Variants in PARD6G observed in about 807,000 individuals in gnomAD.
The protein encoded by PARD6G is par-6 family cell polarity regulator gamma, also known as partitioning defective 6 homolog gamma.
In PARD6G, 7 loss-of-function variants were observed where a neutral mutation model predicts 10.7. That is an observed-to-expected ratio of 0.66 (90% CI 0.37 to 1.23). PARD6G has a LOEUF of 1.23. PARD6G is among the 50% of genes most tolerant of loss of function. The probability of loss-of-function intolerance (pLI) is 0.02; values close to 1 mark genes in which losing one functional copy is unlikely to be tolerated. For synonymous variants in PARD6G, 287 were observed against 269.4 expected (o/e 1.07, Z -0.64); for missense variants, 548 against 571.8 (o/e 0.96, Z 0.42).
At chr18:80,207,174 A>G (rs916966562) in intron 1 of PARD6G, among the ~76,000 whole-genome samples, 2 of 105,190 alleles carry the variant, frequency 1.9e-5, no homozygotes, top group Admixed American at 1.0e-4. Flanking sequence ...TCCGATGTTT[A>G]CTTGGATGGC....
chr18:80,199,897 G>A (rs1433323091), intron 2 of PARD6G, among the ~76,000 whole-genome samples: 2 of 152,084 alleles, frequency 1.3e-5, no homozygotes, highest in African/African-American at 2.4e-5. Flanking sequence ...CACCCGCCTC[G>A]GCCTCCCAAA....
At chr18:80,226,884 C>T (rs1967298568) in intron 1 of PARD6G, among the ~76,000 whole-genome samples, 2 of 152,176 alleles carry the variant, frequency 1.3e-5, no homozygotes, top group South Asian at 2.1e-4. Flanking sequence ...GAAACTGCTG[C>T]GGCTTACCAC....
Position 80,182,995 on chromosome 18 carries a change from C to G in PARD6G, c.295+19715G>C. On this transcript the variant is annotated intron_variant, in intron 2 of 2. Coordinates refer to ENST00000353265, the MANE Select transcript of PARD6G (RefSeq NM_032510.4). The surrounding 1 kb of genome is among the most constrained non-coding windows in gnomAD (Gnocchi z 4.5). ...TCCTCCTTCGTCCTGACGTGGCTCC[C>G]AGTGGAATGAGATGGCTGGGGTCTC... is the stretch of plus-strand genomic sequence containing the variant. 1.5e-6 allele frequency: 1 copy of G among 667,046 alleles called. No homozygotes were observed. The highest frequency in any genetic ancestry group is 1.6e-5 in the South Asian group (1 of 62,196). 41.3% of individuals were successfully genotyped at this position (667,046 alleles called of 1,614,324 possible).
chr18:80,217,515 T>A (rs1967182162), intron 1 of PARD6G, among the ~76,000 whole-genome samples: 1 of 152,146 alleles, frequency 6.6e-6, no homozygotes, highest in South Asian at 2.1e-4. Context: ...TAATAAGTAA[T>A]GTTGATAGCA....
rs1054635222 is a variant in PARD6G, at chr18:80,231,614, C to A, written c.72+15663G>T. On this transcript the variant is annotated intron_variant, in intron 1 of 2. Coordinates refer to ENST00000353265, the MANE Select transcript of PARD6G (RefSeq NM_032510.4). The surrounding 1 kb of genome is among the most constrained non-coding windows in gnomAD (Gnocchi z 4.2). The stretch of plus-strand genomic sequence containing the variant: ...TTTATTCAACTTCTCTGATCCTGTT[C>A]CTCCTTCATAAAATAGATAAAAACA... Among the ~76,000 whole-genome samples, 34 of 152,226 alleles carry A rather than the reference C, an allele frequency of 2.2e-4. No homozygotes were observed. The highest frequency in any genetic ancestry group is 8.2e-4 in the African/African-American group (34 of 41,530).
chr18:80,201,777 C>T lies in PARD6G; in HGVS notation c.295+933G>A, dbSNP rs1241642953. Among the ~76,000 whole-genome samples, 1 of 152,248 alleles carries T rather than the reference C, an allele frequency of 6.6e-6. No individual in the cohort carries two copies. The highest frequency in any genetic ancestry group is 1.5e-5 in the Non-Finnish European group (1 of 68,046). On this transcript the variant is annotated intron_variant, in intron 2 of 2. Coordinates refer to ENST00000353265, the MANE Select transcript of PARD6G (RefSeq NM_032510.4). The surrounding 1 kb of genome is among the most constrained non-coding windows in gnomAD (Gnocchi z 5.9). The stretch of plus-strand genomic sequence containing the variant: ...CTATGAGGACCCTCGTTTTGCAAAG[C>T]AGGACGCTGGGGTGAAGGAGGCGGA...
At chr18:80,220,452 T>TA (rs1433339470) in intron 1 of PARD6G, among the ~76,000 whole-genome samples, 1 of 152,140 alleles carries the variant, frequency 6.6e-6, no homozygotes, top group Non-Finnish European at 1.5e-5. Context: ...GGACATTAGG[T>TA]AAAACTAAGG....
rs1250992141 is a variant in PARD6G, at chr18:80,200,176, G to A, written c.295+2534C>T. The stretch of plus-strand genomic sequence containing the variant: ...TCGACACCCCTGCTGCAGTAAAAAG[G>A]CTGTGGGATTGAGTGTTGCCTCTCA... On this transcript the variant is annotated intron_variant, in intron 2 of 2. Coordinates refer to ENST00000353265, the MANE Select transcript of PARD6G (RefSeq NM_032510.4). The surrounding 1 kb of genome is among the most constrained non-coding windows in gnomAD (Gnocchi z 4.4). 6.6e-6 allele frequency among the ~76,000 whole-genome samples: 1 copy of A among 152,162 alleles called. No homozygotes were observed. Among genetic ancestry groups the A allele is most frequent in the Non-Finnish European group, 1.5e-5 (1 of 68,028 alleles).
intron 2 of PARD6G, among the ~76,000 whole-genome samples, chr18:80,173,281 A>G (rs1473482585): frequency 6.6e-6 from 1 of 152,146 alleles, no homozygotes; most frequent in Non-Finnish European, 1.5e-5. Context: ...CAAGACTCAG[A>G]ACTACAAGGG....
intron 1 of PARD6G, among the ~76,000 whole-genome samples, chr18:80,239,469 T>G (rs958878054): frequency 6.6e-6 from 1 of 151,934 alleles, no homozygotes; most frequent in Non-Finnish European, 1.5e-5. Context: ...CAAAAAAAAA[T>G]CTCATAAAGT....
chr18:80,196,123 T>G (rs1966953964), intron 2 of PARD6G, among the ~76,000 whole-genome samples: 1 of 152,202 alleles, frequency 6.6e-6, no homozygotes, highest in South Asian at 2.1e-4. Flanking sequence ...AATAAGGACT[T>G]GGTTATACTT....
intron 2 of PARD6G, among the ~76,000 whole-genome samples, chr18:80,173,729 T>G (rs1568428235): frequency 6.6e-6 from 1 of 152,158 alleles, no homozygotes; most frequent in African/African-American, 2.4e-5. Context: ...CAATGGCTCT[T>G]TCCTAAAAAC....
rs1967352411 is a variant in PARD6G at position 80,231,030 on chromosome 18, A to G, written c.72+16247T>C. On this transcript the variant is annotated intron_variant, in intron 1 of 2. Transcript: ENST00000353265. The surrounding 1 kb of genome is among the most constrained non-coding windows in gnomAD (Gnocchi z 4.2). ...AGACCTAAAGAGCTACAGTGATGGG[A>G]GAGAGAATTCCAAATGGAAGGTCAG... Among the ~76,000 whole-genome samples the G allele has an allele frequency of 6.6e-6, 1 of 152,216 alleles. No homozygotes were observed. The highest frequency in any genetic ancestry group is 1.5e-5 in the Non-Finnish European group (1 of 68,044).
rs1224947471 is a variant in PARD6G, at chr18:80,226,524, C to T, written c.72+20753G>A. Among the ~76,000 whole-genome samples the T allele has an allele frequency of 3.3e-5, 5 of 152,160 alleles. No homozygotes were observed. In the South Asian group the frequency reaches 8.3e-4, roughly 25 times the overall value. On this transcript the variant is annotated intron_variant, in intron 1 of 2. Transcript: ENST00000353265. Reference sequence around the variant, plus strand: ...GAAAGCAAACAAATGTGAATTGTCTCTATCTTCCCTCTTTTCTAAACAATG... The same window carrying T: ...GAAAGCAAACAAATGTGAATTGTCTTTATCTTCCCTCTTTTCTAAACAATG...
chr18:80,198,450 T>C (rs1365961644), intron 2 of PARD6G, among the ~76,000 whole-genome samples: 1 of 152,236 alleles, frequency 6.6e-6, no homozygotes, highest in Non-Finnish European at 1.5e-5. Flanking sequence ...AAATAATGAT[T>C]ACTGTAAATG....
At chr18:80,214,245 G>A (rs954494839) in intron 1 of PARD6G, among the ~76,000 whole-genome samples, 2 of 152,142 alleles carry the variant, frequency 1.3e-5, no homozygotes, top group Non-Finnish European at 2.9e-5. Context: ...ATCACGAGAT[G>A]TCAGGAGTTC....
rs377186194 is a variant in PARD6G at position 80,231,861 on chromosome 18, A to C, written c.72+15416T>G. 2.6e-5 allele frequency among the ~76,000 whole-genome samples: 4 copies of C among 152,212 alleles called. No individual in the cohort carries two copies. Among genetic ancestry groups the C allele is most frequent in the South Asian group, 4.1e-4 (2 of 4,828 alleles). ...TTCTCAAAAACCCAAAGTTGCAAGC[A>C]CAGTAAAGGCAGACCTCTTGCATGT... On this transcript the variant is annotated intron_variant, in intron 1 of 2. Coordinates refer to ENST00000353265, the MANE Select transcript of PARD6G (RefSeq NM_032510.4). This position sits in a 1 kb window ranked among gnomAD's most constrained non-coding sequence, Gnocchi z 4.2.
rs541443870 is a variant in PARD6G at position 80,183,145 on chromosome 18, C to T, written c.295+19565G>A. The stretch of plus-strand genomic sequence containing the variant: ...AGTCAGGTTCCTGGTCGCAGGGCTC[C>T]GTCATCTGCAGGAAAATTAGTGAAG... On this transcript the variant is annotated intron_variant, in intron 2 of 2. Transcript: ENST00000353265. This position sits in a 1 kb window ranked among gnomAD's most constrained non-coding sequence, Gnocchi z 4.5. 52 of 702,906 alleles carry T rather than the reference C, an allele frequency of 7.4e-5. 1 individual carries two copies. Among genetic ancestry groups the T allele is most frequent in the Admixed American group, 5.2e-4 (26 of 50,014 alleles). The allele number at this position is 702,906 out of a possible 1,614,324, so 43.5% of individuals were successfully genotyped here.
At chr18:80,168,545 C>A (rs1456941792) in intron 2 of PARD6G, among the ~76,000 whole-genome samples, 1 of 151,750 alleles carries the variant, frequency 6.6e-6, no homozygotes, top group Non-Finnish European at 1.5e-5. Flanking sequence ...CCCTCTCTCC[C>A]CATATCCTGT....
Sources: allele counts gnomAD v4.1 joint callset (sites outside exome capture counted in the v4.1 genomes callset), GRCh38; gene constraint gnomAD v4.1.1; non-coding constraint Gnocchi (gnomAD v3.1); transcripts MANE v1.5; gene names NCBI Gene and HGNC (gene_info 2026-07-23, HGNC 2026-07-21).